KANSL1L: variants seen among roughly 807,000 people sequenced by gnomAD.
KANSL1L encodes the protein KAT8 regulatory NSL complex subunit 1 like.
Under a neutral mutation model 108.6 loss-of-function variants are expected in KANSL1L, and 25 were observed. That is an observed-to-expected ratio of 0.23 (90% CI 0.17 to 0.32). The LOEUF (loss-of-function observed/expected upper bound fraction) is 0.32, where lower values mean the gene tolerates loss of function less well. Among genes scored for constraint, KANSL1L ranks in the 10% least tolerant of loss-of-function variants. The pLI is 1.00. For missense variants in KANSL1L, 1,137 were observed against 1,125.7 expected (o/e 1.01, Z -0.14); for synonymous variants, 405 against 395.1 (o/e 1.03, Z -0.30).
At chr2:210,076,389 G>C (rs2094542493) in intron 5 of KANSL1L, among the ~76,000 whole-genome samples, 1 of 152,096 alleles carries the variant, frequency 6.6e-6, no homozygotes, top group African/African-American at 2.4e-5. Flanking sequence ...GTTTCACCAT[G>C]TTGGCCAGGC....
chr2:210,164,899 C>A (rs1178518425), intron 1 of KANSL1L, among the ~76,000 whole-genome samples: 5 of 148,188 alleles, frequency 3.4e-5, no homozygotes, highest in African/African-American at 1.2e-4. Flanking sequence ...GGAGTCTCGC[C>A]CCGCCACCTA....
At chr2:210,136,572 C>T (rs1435834894) in intron 2 of KANSL1L, among the ~76,000 whole-genome samples, 2 of 152,162 alleles carry the variant, frequency 1.3e-5, no homozygotes, top group Non-Finnish European at 2.9e-5. Flanking sequence ...GCATGTCTCA[C>T]TTTTGTTCAG....
At chr2:210,048,609 TAGAG>T (rs984913330) in intron 6 of KANSL1L, among the ~76,000 whole-genome samples, 2 of 152,140 alleles carry the variant, frequency 1.3e-5, no homozygotes, top group African/African-American at 4.8e-5. Flanking sequence ...ATACACATTT[TAGAG>T]AGATTTATTT....
chr2:210,098,299 A>G (rs111375580), intron 4 of KANSL1L, 92 bp from the exon 5 acceptor site: 9 of 1,088,246 alleles, frequency 8.3e-6, no homozygotes, highest in Admixed American at 5.3e-5. Flanking sequence ...TTAACTTCTC[A>G]TGACACACAT....
intron 3 of KANSL1L, among the ~76,000 whole-genome samples, chr2:210,123,163 G>A (rs558016399): frequency 3.3e-5 from 5 of 152,046 alleles, no homozygotes; most frequent in Non-Finnish European, 7.4e-5. Flanking sequence ...ACTATCCTAT[G>A]ATCCAATCTT....
intron 5 of KANSL1L, among the ~76,000 whole-genome samples, chr2:210,079,015 A>G (rs1318429853): frequency 3.9e-5 from 6 of 152,134 alleles, no homozygotes; most frequent in African/African-American, 1.4e-4. Context: ...CAGTAGAACA[A>G]TTGTAGCTCA....
At chr2:210,140,267 C>T (rs2095215886) in intron 2 of KANSL1L, among the ~76,000 whole-genome samples, 2 of 152,108 alleles carry the variant, frequency 1.3e-5, no homozygotes, top group South Asian at 4.1e-4. Context: ...ACATCAATGT[C>T]GAGAAGCTTT....
Position 210,153,861 on chromosome 2 carries a change from GTTC to G in KANSL1L, c.719_721del (p.Arg240del), listed in dbSNP as rs753538972. ...CAGGAGCATCTGCAAATGTTTCTGA[GTTC>G]TTCTAGCCTGGCTAAGTAAAATTTT... On this transcript the variant is annotated inframe_deletion, in exon 2 of 15. Transcript: ENST00000281772. 1 of 1,612,644 alleles carries G rather than the reference GTTC, an allele frequency of 6.2e-7. No individual in the cohort carries two copies. The highest frequency in any genetic ancestry group is 8.5e-7 in the Non-Finnish European group (1 of 1,179,622).
At chr2:210,078,698 A>T (rs1037289647) in intron 5 of KANSL1L, among the ~76,000 whole-genome samples, 1 of 152,202 alleles carries the variant, frequency 6.6e-6, no homozygotes, top group Admixed American at 6.5e-5. Flanking sequence ...CGGCCCAATC[A>T]ATTAACCTCA....
intron 11 of KANSL1L, chr2:210,028,403 C>CTTTTTT (rs397872290): frequency 1.0e-4 from 9 of 85,970 alleles, no homozygotes; most frequent in Non-Finnish European, 1.1e-4. Context: ...GCATCAAAAT[C>CTTTTTT]TTTTTTTTTT....
chr2:210,039,074 G>A (rs992410421), intron 8 of KANSL1L, among the ~76,000 whole-genome samples: 3 of 151,744 alleles, frequency 2.0e-5, no homozygotes, highest in African/African-American at 7.2e-5. Context: ...GAACCACCAT[G>A]TTTTAGTGAT....
chr2:210,058,629 C>T (rs757205975), intron 6 of KANSL1L, among the ~76,000 whole-genome samples: 8 of 152,106 alleles, frequency 5.3e-5, no homozygotes, highest in Admixed American at 2.6e-4. Context: ...GTCAGGAGAT[C>T]GAGCCCATCC....
At position 210,044,659 on chromosome 2, in the gene KANSL1L, A is replaced by T. The variant is rs748417849; in HGVS notation, c.1756-555T>A. On this transcript the variant is annotated intron_variant, in intron 6 of 14. Transcript: ENST00000281772. This position sits in a 1 kb window ranked among gnomAD's most constrained non-coding sequence, Gnocchi z 4.2. ...AGCTTGCCAAAAGAACTTGAAAAAA[A>T]ATATATTAATGTTGAATTTAATCAT... 3.5e-4 allele frequency among the ~76,000 whole-genome samples: 53 copies of T among 152,258 alleles called. No homozygotes were observed. Among genetic ancestry groups the T allele is most frequent in the African/African-American group, 6.0e-4 (25 of 41,566 alleles).
intron 1 of KANSL1L, among the ~76,000 whole-genome samples, chr2:210,168,397 T>C (rs1204477576): frequency 2.0e-5 from 3 of 152,090 alleles, no homozygotes; most frequent in Non-Finnish European, 2.9e-5. Context: ...ATATTATTTA[T>C]AAGATTTATG....
At chr2:210,159,717 A>T (rs908924484) in intron 1 of KANSL1L, among the ~76,000 whole-genome samples, 2 of 152,260 alleles carry the variant, frequency 1.3e-5, no homozygotes, top group Non-Finnish European at 2.9e-5. Flanking sequence ...ACTATGTTCA[A>T]GTATGGCTTA....
At chr2:210,086,491 T>TAAAAAAAAA (rs57685611) in intron 5 of KANSL1L, among the ~76,000 whole-genome samples, 2 of 141,112 alleles carry the variant, frequency 1.4e-5, no homozygotes, top group Non-Finnish European at 3.0e-5. Flanking sequence ...TTAATAAAGC[T>TAAAAAAAAA]AAAAAAAAAA....
chr2:210,044,599 G>T lies in KANSL1L; in HGVS notation c.1756-495C>A, dbSNP rs1165250956. Among the ~76,000 whole-genome samples, 6 of 147,518 alleles carry T rather than the reference G, an allele frequency of 4.1e-5. No homozygotes were observed. The highest frequency in any genetic ancestry group is 2.2e-4 in the South Asian group (1 of 4,630). ...TGGATTGCAGGGTTTGTTTTTTTTTGGGGGGGGTATGGTTCTTTATCAGAA... is the reference window on the plus strand; with the variant it reads ...TGGATTGCAGGGTTTGTTTTTTTTTTGGGGGGGTATGGTTCTTTATCAGAA... On this transcript the variant is annotated intron_variant, in intron 6 of 14. Transcript: ENST00000281772. This position sits in a 1 kb window ranked among gnomAD's most constrained non-coding sequence, Gnocchi z 4.2.
At chr2:210,065,290 CAAAAAAAAAAAAA>C (rs60860386) in intron 6 of KANSL1L, among the ~76,000 whole-genome samples, 1 of 53,268 alleles carries the variant, frequency 1.9e-5, no homozygotes, top group African/African-American at 8.2e-5. Context: ...GACTCTGTCT[CAAAAAAAAAAAAA>C]AAAAAAAAAA....
At chr2:210,141,753 C>G (rs2095231191) in intron 2 of KANSL1L, among the ~76,000 whole-genome samples, 1 of 152,124 alleles carries the variant, frequency 6.6e-6, no homozygotes, top group Non-Finnish European at 1.5e-5. Context: ...TCCTTCGATA[C>G]CTAATCTGTT....
Sources: allele counts gnomAD v4.1 joint callset (sites outside exome capture counted in the v4.1 genomes callset), GRCh38; gene constraint gnomAD v4.1.1; non-coding constraint Gnocchi (gnomAD v3.1); transcripts MANE v1.5; gene names NCBI Gene and HGNC (gene_info 2026-07-23, HGNC 2026-07-21).